RBFOX1: variants seen among roughly 807,000 people sequenced by gnomAD.
RBFOX1 encodes the protein RNA binding fox-1 homolog 1, also known as RNA binding protein fox-1 homolog 1.
In RBFOX1, 8 loss-of-function variants were observed where a neutral mutation model predicts 57.7. The observed-to-expected ratio is 0.14, with a 90% confidence interval of 0.08 to 0.25. The LOEUF (loss-of-function observed/expected upper bound fraction) is 0.25, where lower values mean the gene tolerates loss of function less well. RBFOX1 is among the 10% of genes least tolerant of loss of function. The probability of loss-of-function intolerance (pLI) is 1.00; values close to 1 mark genes in which losing one functional copy is unlikely to be tolerated. For synonymous variants in RBFOX1, 326 were observed against 222.4 expected, an observed-to-expected ratio of 1.47 and a Z score of -4.15; for missense variants, 611 against 548.5, an observed-to-expected ratio of 1.11 and a Z score of -1.14.
At chr16:5,344,751 C>T (rs75340523) in intron 1 of RBFOX1, among the ~76,000 whole-genome samples, 4,120 of 152,180 alleles carry the variant, frequency 0.027, 180 homozygotes, top group African/African-American at 0.095. Context: ...AATATAACTT[C>T]ATGAAAAAAG....
rs1286392174 is a variant in RBFOX1, at chr16:7,676,929, C to T, written c.995+91C>T. On this transcript the variant is annotated intron_variant, in intron 14 of 15. Transcript: ENST00000550418. ...TTCTTGTATGGTCTTGGTGAAACTG[C>T]ATGACTGCTGGGGGAGGTAGCACCC... 5 of 1,313,666 alleles carry T rather than the reference C, an allele frequency of 3.8e-6. 1 individual carries two copies. The African/African-American group carries it at 5.8e-5, about 15-fold the overall frequency. 81.4% of individuals were successfully genotyped at this position (1,313,666 alleles called of 1,614,324 possible).
At chr16:6,721,392 G>A (rs918488188) in intron 3 of RBFOX1, among the ~76,000 whole-genome samples, 2 of 152,176 alleles carry the variant, frequency 1.3e-5, no homozygotes, top group African/African-American at 4.8e-5. Flanking sequence ...ACAGTGAGCC[G>A]AGATCATGCC....
chr16:7,623,210 T>C (rs970870886), intron 10 of RBFOX1, among the ~76,000 whole-genome samples: 1 of 152,202 alleles, frequency 6.6e-6, no homozygotes, highest in Non-Finnish European at 1.5e-5. Context: ...CCAACCATTT[T>C]GGCACCCGGG....
intron 4 of RBFOX1, among the ~76,000 whole-genome samples, chr16:7,250,050 T>G (rs889484984): frequency 2.0e-5 from 3 of 152,230 alleles, no homozygotes; most frequent in Admixed American, 6.5e-5. Flanking sequence ...ATTTGGTAAC[T>G]CTAAGAATCC....
At chr16:7,603,992 A>G (rs2095173614) in intron 9 of RBFOX1, among the ~76,000 whole-genome samples, 1 of 152,134 alleles carries the variant, frequency 6.6e-6, no homozygotes, top group Non-Finnish European at 1.5e-5. Flanking sequence ...CCAGGCAGAG[A>G]TAGGAATGCC....
At chr16:6,556,982 C>G (rs1483711911) in intron 2 of RBFOX1, among the ~76,000 whole-genome samples, 1 of 140,802 alleles carries the variant, frequency 7.1e-6, no homozygotes. Context: ...TACACACATA[C>G]GTATATATAC....
chr16:7,106,166 C>G (rs932843411), intron 4 of RBFOX1, among the ~76,000 whole-genome samples: 23 of 152,142 alleles, frequency 1.5e-4, no homozygotes, highest in African/African-American at 4.8e-4. Flanking sequence ...ACACAGTGCA[C>G]TTTGAGTTCA....
At chr16:7,575,810 T>C (rs1360514391) in intron 5 of RBFOX1, among the ~76,000 whole-genome samples, 1 of 152,178 alleles carries the variant, frequency 6.6e-6, no homozygotes, top group African/African-American at 2.4e-5. Context: ...GAGATCACAC[T>C]CAGTGGAGGG....
intron 3 of RBFOX1, among the ~76,000 whole-genome samples, chr16:7,016,607 C>T (rs1468217555): frequency 2.0e-5 from 3 of 152,170 alleles, no homozygotes; most frequent in African/African-American, 7.2e-5. Context: ...TGGGTAGACA[C>T]GCCTCACTTG....
At chr16:5,279,606 A>C (rs1447558469) in intron 1 of RBFOX1, among the ~76,000 whole-genome samples, 1 of 152,098 alleles carries the variant, frequency 6.6e-6, no homozygotes, top group African/African-American at 2.4e-5. Context: ...GGTTCAAGCG[A>C]TTCTCCTGCT....
At chr16:6,841,170 G>A (rs956487223) in intron 3 of RBFOX1, among the ~76,000 whole-genome samples, 1 of 151,970 alleles carries the variant, frequency 6.6e-6, no homozygotes, top group Admixed American at 6.6e-5. Flanking sequence ...TTTGCTAGAA[G>A]CCTGAACAGA....
At chr16:6,990,109 C>T (rs909795213) in intron 3 of RBFOX1, among the ~76,000 whole-genome samples, 2 of 152,190 alleles carry the variant, frequency 1.3e-5, no homozygotes, top group African/African-American at 4.8e-5. Flanking sequence ...TTTATGTGAA[C>T]ATATGTCACC....
At chr16:5,579,178 T>C (rs1474628950) in intron 2 of RBFOX1, among the ~76,000 whole-genome samples, 1 of 152,086 alleles carries the variant, frequency 6.6e-6, no homozygotes, top group Non-Finnish European at 1.5e-5. Flanking sequence ...TGGTCAAGAC[T>C]GGACCTGCTA....
At chr16:5,792,135 C>T (rs372209156) in intron 3 of RBFOX1, among the ~76,000 whole-genome samples, 1 of 152,102 alleles carries the variant, frequency 6.6e-6, no homozygotes, top group Admixed American at 6.5e-5. Context: ...TTTTAAAGCC[C>T]GGGACCCCAG....
chr16:6,347,578 A>G (rs981662680), intron 2 of RBFOX1, among the ~76,000 whole-genome samples: 8 of 152,236 alleles, frequency 5.3e-5, no homozygotes, highest in Admixed American at 5.2e-4. Context: ...TTGCATATGC[A>G]TAGATGCTAG....
chr16:5,682,792 A>G (rs1002152693), intron 3 of RBFOX1, among the ~76,000 whole-genome samples: 2 of 152,138 alleles, frequency 1.3e-5, no homozygotes, highest in Non-Finnish European at 2.9e-5. Flanking sequence ...GAGGTCCTTG[A>G]ATTTTCCTCA....
At chr16:6,943,359 G>C (rs1337377453) in intron 3 of RBFOX1, among the ~76,000 whole-genome samples, 2 of 152,170 alleles carry the variant, frequency 1.3e-5, no homozygotes. Flanking sequence ...GAGTTCTTGT[G>C]GATGAGCTGT....
At chr16:6,668,197 C>T (rs1014317756) in intron 3 of RBFOX1, among the ~76,000 whole-genome samples, 4 of 152,178 alleles carry the variant, frequency 2.6e-5, no homozygotes, top group African/African-American at 9.7e-5. Context: ...GATTGAATCT[C>T]TGGTGTCAAG....
chr16:5,450,504 G>C (rs2068389991), intron 1 of RBFOX1, among the ~76,000 whole-genome samples: 1 of 152,152 alleles, frequency 6.6e-6, no homozygotes, highest in Admixed American at 6.5e-5. Context: ...GTGTGGGGCG[G>C]GCCTCTCTGG....
Sources: allele counts gnomAD v4.1 joint callset (sites outside exome capture counted in the v4.1 genomes callset), GRCh38; gene constraint gnomAD v4.1.1; transcripts MANE v1.5; gene names NCBI Gene and HGNC (gene_info 2026-07-23, HGNC 2026-07-21).